Variants in MAP3K15 observed in about 807,000 individuals in gnomAD.
MAP3K15 encodes the protein MAPK/ERK kinase kinase 15.
In MAP3K15, 124 loss-of-function variants were observed where a neutral mutation model predicts 99.5. The observed-to-expected ratio is 1.25, with a 90% CI of 1.08 to 1.45. The LOEUF is 1.45. Ranked by LOEUF, MAP3K15 falls within the 40% of genes most tolerant of loss-of-function variation. MAP3K15 has a pLI of 0.00. For synonymous variants in MAP3K15, 494 were observed against 439.6 expected (o/e 1.12, Z -1.55); for missense variants, 1,242 against 1,079.7 (o/e 1.15, Z -2.11).
chrX:19,466,640 CA>C (rs1274609839), intron 3 of MAP3K15: 1 of 112,177 alleles, frequency 8.9e-6, no homozygotes, highest in African/African-American at 3.2e-5. Context: ...TTCTTTATAG[CA>C]GTATGAAAAT....
chrX:19,512,008 G>A (rs944708667), intron 1 of MAP3K15, among the ~76,000 whole-genome samples: 8 of 111,764 alleles, frequency 7.2e-5, no homozygotes, highest in African/African-American at 2.6e-4. Flanking sequence ...ATGAGTTCAT[G>A]TCCTTTGCAG....
chrX:19,410,959 C>T (rs761788917), intron 11 of MAP3K15, among the ~76,000 whole-genome samples: 4 of 110,935 alleles, frequency 3.6e-5, no homozygotes, highest in African/African-American at 6.6e-5. Flanking sequence ...GGTGTGGGGG[C>T]GATCACTTGA....
At chrX:19,454,168 T>C (rs903600829) in intron 6 of MAP3K15, among the ~76,000 whole-genome samples, 4 of 111,842 alleles carry the variant, frequency 3.6e-5, no homozygotes, top group African/African-American at 9.7e-5. Flanking sequence ...TGCTGAGTAA[T>C]TCAAAGAGGT....
chrX:19,376,202 A>C (rs1484139899), intron 19 of MAP3K15, among the ~76,000 whole-genome samples: 2 of 111,236 alleles, frequency 1.8e-5, no homozygotes. Flanking sequence ...GGCTGAAACA[A>C]CAGGTGCTTA....
At chrX:19,406,969 G>C (rs2063652943) in intron 13 of MAP3K15, among the ~76,000 whole-genome samples, 1 of 112,377 alleles carries the variant, frequency 8.9e-6, no homozygotes, top group Admixed American at 9.4e-5. Context: ...CCAAAGTGCT[G>C]AGATTACAGG....
chrX:19,384,758 A>AC (rs1449907082), intron 18 of MAP3K15, among the ~76,000 whole-genome samples: 20 of 99,003 alleles, frequency 2.0e-4, no homozygotes, highest in Non-Finnish European at 3.2e-4. Context: ...GGAAAAAAAA[A>AC]AAAAAAAAAA....
At chrX:19,371,747 G>A (rs938699890) in intron 22 of MAP3K15, among the ~76,000 whole-genome samples, 3 of 111,053 alleles carry the variant, frequency 2.7e-5, no homozygotes, top group Non-Finnish European at 5.7e-5. Flanking sequence ...ATGGCTTCCT[G>A]TTTAACCCCT....
chrX:19,471,537 C>A (rs1032678419), intron 3 of MAP3K15, among the ~76,000 whole-genome samples: 8 of 111,239 alleles, frequency 7.2e-5, no homozygotes, highest in African/African-American at 2.3e-4. Context: ...GCTGGGATTA[C>A]AGGCATGAGC....
intron 21 of MAP3K15, chrX:19,373,030 A>G (rs1236678075): frequency 8.4e-5 from 6 of 71,403 alleles, no homozygotes; most frequent in South Asian, 2.5e-4. Flanking sequence ...AAGGAGGGGG[A>G]GGCGGGGTAA....
intron 6 of MAP3K15, among the ~76,000 whole-genome samples, chrX:19,448,081 T>TAAA (rs1281483227): frequency 2.0e-4 from 21 of 106,904 alleles, no homozygotes; most frequent in African/African-American, 6.0e-4. Flanking sequence ...GTGGCTTTTC[T>TAAA]CATTTGTTTG....
chrX:19,474,163 A>G (rs2064225006), intron 3 of MAP3K15, among the ~76,000 whole-genome samples: 1 of 112,284 alleles, frequency 8.9e-6, no homozygotes. Flanking sequence ...GTATAAGGGC[A>G]TGCTAATTTA....
At chrX:19,428,732 C>T (rs1226970417) in intron 7 of MAP3K15, among the ~76,000 whole-genome samples, 3 of 111,306 alleles carry the variant, frequency 2.7e-5, no homozygotes, top group Admixed American at 9.6e-5. Flanking sequence ...TTCGAGAGGC[C>T]GAGGTAGGTG....
At chrX:19,465,830 G>GGTGT (rs10589040) in intron 3 of MAP3K15, among the ~76,000 whole-genome samples, 16,635 of 93,773 alleles carry the variant, frequency 0.18, 1,166 homozygotes, top group Middle Eastern at 0.23. Flanking sequence ...GGTGTGTAGG[G>GGTGT]GTGTGTGTGT....
intron 3 of MAP3K15, among the ~76,000 whole-genome samples, chrX:19,475,492 G>A (rs1277603834): frequency 2.7e-5 from 3 of 110,902 alleles, no homozygotes; most frequent in Non-Finnish European, 5.7e-5. Context: ...AAGGGGTCCC[G>A]TGACCCCTAA....
intron 6 of MAP3K15, among the ~76,000 whole-genome samples, chrX:19,436,617 C>G (rs2063923973): frequency 9.0e-6 from 1 of 111,550 alleles, no homozygotes; most frequent in Non-Finnish European, 1.9e-5. Context: ...ACATATCCAA[C>G]TGCCCTCTCA....
chrX:19,487,048 A>G (rs1276591814), intron 2 of MAP3K15, among the ~76,000 whole-genome samples: 1 of 102,931 alleles, frequency 9.7e-6, no homozygotes, highest in Non-Finnish European at 2.0e-5. Context: ...AAATTCAATG[A>G]CAACAATTCT....
intron 14 of MAP3K15, among the ~76,000 whole-genome samples, chrX:19,400,169 T>A (rs925069537): frequency 8.9e-6 from 1 of 112,139 alleles, no homozygotes; most frequent in African/African-American, 3.2e-5. Flanking sequence ...GCCTACTTTT[T>A]AAAATGATTT....
intron 1 of MAP3K15, 85 bp from the exon 2 acceptor site, chrX:19,489,052 T>TGA: frequency 1.2e-6 from 1 of 847,383 alleles, no homozygotes; most frequent in Non-Finnish European, 1.6e-6. Context: ...TGAGGAGCTA[T>TGA]AGCAATGTGT....
Position 19,514,977 on chromosome X carries a change from GC to G in MAP3K15, c.284del (p.Gly95AlafsTer31). On this transcript the variant is annotated frameshift_variant, in exon 1 of 29. Coordinates refer to ENST00000338883, the MANE Select transcript of MAP3K15 (RefSeq NM_001001671.4). LOFTEE classifies it high-confidence loss of function. ...CGAAGGGCACGGAGGTGAGGTGAGCGCCCTCGGCCTCGCAGGCCCGCAGCAG... is the reference window on the plus strand; with the variant it reads ...CGAAGGGCACGGAGGTGAGGTGAGCGCCTCGGCCTCGCAGGCCCGCAGCAG... ...QCLLRACEAE[G>X]AHLTSVPFGE... is the part of the protein sequence containing the mutation. 1 of 1,134,238 alleles carries G rather than the reference GC, an allele frequency of 8.8e-7. No individual in the cohort carries two copies. The highest frequency in any genetic ancestry group is 2.6e-5 in the Admixed American group (1 of 38,716). 93.5% of individuals were successfully genotyped at this position (1,134,238 alleles called of 1,213,427 possible).
Sources: gnomAD v4.1 joint callset for allele counts (sites outside exome capture counted in the v4.1 genomes callset) on GRCh38, gnomAD v4.1.1 for gene constraint, MANE v1.5 for transcripts, NCBI Gene and HGNC (gene_info 2026-07-23, HGNC 2026-07-21) for gene names.